Variants in KCMF1 observed in about 807,000 individuals in gnomAD.
KCMF1 encodes the protein E3 ubiquitin-protein ligase KCMF1.
KCMF1 carries 3 observed loss-of-function variants against 41.1 expected under a neutral mutation model. That is an observed-to-expected ratio of 0.07 (90% CI 0.03 to 0.19). KCMF1 has a LOEUF of 0.19. KCMF1 is among the 10% of genes least tolerant of loss of function. KCMF1 has a pLI of 1.00. For missense variants in KCMF1, 286 were observed against 488.9 expected, an observed-to-expected ratio of 0.58 and a Z score of 3.91; for synonymous variants, 142 against 164.5, an observed-to-expected ratio of 0.86 and a Z score of 1.04.
At chr2:85,017,981 A>G (rs1000410649) in intron 1 of KCMF1, among the ~76,000 whole-genome samples, 5 of 152,198 alleles carry the variant, frequency 3.3e-5, no homozygotes, top group African/African-American at 1.2e-4. Flanking sequence ...CAGAACTGCT[A>G]AATACAAGAT....
intron 1 of KCMF1, among the ~76,000 whole-genome samples, chr2:84,987,014 C>T (rs1439512949): frequency 2.0e-5 from 3 of 152,190 alleles, no homozygotes; most frequent in Non-Finnish European, 4.4e-5. Context: ...ACACTAATGC[C>T]TGTTTAGCTA....
At chr2:85,042,011 C>T (rs1031588027) in intron 3 of KCMF1, among the ~76,000 whole-genome samples, 4 of 152,158 alleles carry the variant, frequency 2.6e-5, no homozygotes, top group African/African-American at 9.7e-5. Flanking sequence ...TTGACACATA[C>T]AGCTACTTTT....
intron 1 of KCMF1, among the ~76,000 whole-genome samples, chr2:85,023,466 C>G (rs987764450): frequency 1.3e-5 from 2 of 151,820 alleles, no homozygotes; most frequent in Non-Finnish European, 2.9e-5. Context: ...CTACAGGCGC[C>G]CGCCACCACG....
chr2:85,042,790 CCTCTGTTTCA>C (rs1188448575), intron 3 of KCMF1, among the ~76,000 whole-genome samples: 2 of 152,122 alleles, frequency 1.3e-5, no homozygotes, highest in African/African-American at 2.4e-5. Context: ...CCTCTCCTTC[CCTCTGTTTCA>C]CCAATTCTGT....
At chr2:84,997,476 G>T (rs2103984991) in intron 1 of KCMF1, among the ~76,000 whole-genome samples, 1 of 152,170 alleles carries the variant, frequency 6.6e-6, no homozygotes, top group East Asian at 1.9e-4. Context: ...AAGCAATTGA[G>T]GACTTGAAGA....
chr2:84,982,389 C>CTTTTTTTTT (rs34687477), intron 1 of KCMF1, among the ~76,000 whole-genome samples: 1,515 of 47,406 alleles, frequency 0.032, 187 homozygotes, highest in Non-Finnish European at 0.037. Flanking sequence ...TCCTTATTTT[C>CTTTTTTTTT]TTTTTTTTTT....
At chr2:85,009,638 A>T (rs559104185) in intron 1 of KCMF1, among the ~76,000 whole-genome samples, 28 of 151,516 alleles carry the variant, frequency 1.8e-4, no homozygotes, top group South Asian at 2.1e-4. Flanking sequence ...CCATGTTCTG[A>T]TTTCTGTCTC....
At chr2:85,036,610 A>C (rs1675408707) in intron 3 of KCMF1, among the ~76,000 whole-genome samples, 1 of 151,998 alleles carries the variant, frequency 6.6e-6, no homozygotes, top group Non-Finnish European at 1.5e-5. Flanking sequence ...CCTGGACAAC[A>C]AAGTGGGGCC....
At position 84,971,284 on chromosome 2, in the gene KCMF1, GCCGCCGCCGCCGCC is replaced by G. The variant is rs1673384431; in HGVS notation, c.-167_-154del. 6.0e-6 allele frequency: 1 copy of G among 166,428 alleles called. No homozygotes were observed. The highest frequency in any genetic ancestry group is 1.2e-5 in the Non-Finnish European group (1 of 83,860). The allele number at this position is 166,428 out of a possible 1,614,324, so 10.3% of individuals were successfully genotyped here. A position where few individuals can be genotyped will look rare whatever the true frequency, so the allele number is the denominator to read the frequency against. On this transcript the variant is annotated 5_prime_UTR_variant, in exon 1 of 7. Transcript: ENST00000409785. ...TCCCGCCCCGCGCCGCCTCCCCGCC[GCCGCCGCCGCCGCC>G]GCCGCGGGAGCGCTCCCCTGCCCAC...
At chr2:84,994,664 A>G (rs565284786) in intron 1 of KCMF1, among the ~76,000 whole-genome samples, 1 of 152,242 alleles carries the variant, frequency 6.6e-6, no homozygotes, top group South Asian at 2.1e-4. Flanking sequence ...CGGCCTCCCA[A>G]AGTGCTGGGA....
intron 1 of KCMF1, among the ~76,000 whole-genome samples, chr2:85,009,252 G>A (rs1674595474): frequency 6.6e-6 from 1 of 152,152 alleles, no homozygotes; most frequent in Admixed American, 6.5e-5. Flanking sequence ...CCACCATTGT[G>A]AAGTAGGTGT....
At chr2:85,047,288 A>C (rs1675691257) in intron 5 of KCMF1, among the ~76,000 whole-genome samples, 1 of 152,206 alleles carries the variant, frequency 6.6e-6, no homozygotes, top group African/African-American at 2.4e-5. Flanking sequence ...AAATGTCCAA[A>C]GCACATTTGA....
chr2:85,008,935 G>A (rs569038369), intron 1 of KCMF1, among the ~76,000 whole-genome samples: 1 of 151,904 alleles, frequency 6.6e-6, no homozygotes, highest in Admixed American at 6.6e-5. Flanking sequence ...TTACTATATC[G>A]CCCTGGTTGG....
chr2:85,055,680 A>T lies in KCMF1; in HGVS notation c.*2271A>T, dbSNP rs987843948. On this transcript the variant is annotated 3_prime_UTR_variant, in exon 7 of 7. Coordinates refer to ENST00000409785, the MANE Select transcript of KCMF1 (RefSeq NM_020122.5). ...GTAGAACGACACAGAATATCAATAT[A>T]AAAATATATTCAAGCCCTTGAAATT... is the stretch of plus-strand genomic sequence containing the variant. The T allele has an allele frequency of 6.6e-6, 1 of 152,220 alleles. No individual in the cohort carries two copies. The highest frequency in any genetic ancestry group is 2.4e-5 in the African/African-American group (1 of 41,460). 9.4% of individuals were successfully genotyped at this position (152,220 alleles called of 1,614,324 possible).
intron 3 of KCMF1, among the ~76,000 whole-genome samples, chr2:85,037,532 G>A (rs187161792): frequency 8.5e-4 from 129 of 152,274 alleles, no homozygotes; most frequent in African/African-American, 2.8e-3. Context: ...GTGTGCTACA[G>A]TTATATGTAA....
chr2:84,979,279 A>T (rs990074389), intron 1 of KCMF1, among the ~76,000 whole-genome samples: 1 of 152,130 alleles, frequency 6.6e-6, no homozygotes, highest in Non-Finnish European at 1.5e-5. Context: ...CTGTAATCCC[A>T]TGGGAGACCA....
At chr2:84,996,999 T>C (rs1024654647) in intron 1 of KCMF1, among the ~76,000 whole-genome samples, 2 of 152,206 alleles carry the variant, frequency 1.3e-5, no homozygotes, top group Non-Finnish European at 2.9e-5. Context: ...GTTACTGTAC[T>C]GAATACTGTA....
At chr2:85,013,810 GAA>G (rs1674704753) in intron 1 of KCMF1, 1 of 147,640 alleles carries the variant, frequency 6.8e-6, no homozygotes, top group South Asian at 2.2e-4. Context: ...AAAAAAAAAA[GAA>G]TGTTTAAACA....
intron 2 of KCMF1, among the ~76,000 whole-genome samples, chr2:85,030,375 T>C (rs1675238034): frequency 6.6e-6 from 1 of 152,248 alleles, no homozygotes; most frequent in Non-Finnish European, 1.5e-5. Context: ...TCATTTGTTG[T>C]GCATTTGATG....
Sources: allele counts gnomAD v4.1 joint callset (sites outside exome capture counted in the v4.1 genomes callset), GRCh38; gene constraint gnomAD v4.1.1; transcripts MANE v1.5; gene names NCBI Gene and HGNC (gene_info 2026-07-23, HGNC 2026-07-21).